Variants in PPP1R12B observed in about 807,000 individuals in gnomAD.
PPP1R12B encodes protein phosphatase 1 regulatory subunit 12B, also known as myosin phosphatase target subunit 2.
A neutral mutation model predicts 126.1 loss-of-function variants in PPP1R12B; 76 were observed. That is an observed-to-expected ratio of 0.60 (90% confidence interval 0.50 to 0.73). The LOEUF (loss-of-function observed/expected upper bound fraction) is 0.73, where lower values mean the gene tolerates loss of function less well. Ranked by LOEUF, PPP1R12B falls within the 30% of genes least tolerant of loss-of-function variation. The pLI is 0.00. For synonymous variants in PPP1R12B, 356 were observed against 434.7 expected, an observed-to-expected ratio of 0.82 and a Z score of 2.25; for missense variants, 1,052 against 1,205.1, an observed-to-expected ratio of 0.87 and a Z score of 1.88.
At chr1:202,502,366 T>C (rs1304538032) in intron 18 of PPP1R12B, 6 of 985,064 alleles carry the variant, frequency 6.1e-6, no homozygotes, top group Non-Finnish European at 7.2e-6. Flanking sequence ...AAGAACACAA[T>C]TGGAATTTGC....
chr1:202,575,485 G>A (rs1689012030), intron 23 of PPP1R12B: 1 of 181,732 alleles, frequency 5.5e-6, no homozygotes, highest in African/African-American at 2.3e-5. Context: ...CTGTGTACAT[G>A]CACATATACA....
chr1:202,389,196 G>A (rs1663663066), intron 1 of PPP1R12B, among the ~76,000 whole-genome samples: 1 of 152,164 alleles, frequency 6.6e-6, no homozygotes, highest in South Asian at 2.1e-4. Context: ...GAAGAGGTGG[G>A]AGGGAGAAGA....
At chr1:202,451,130 C>CT (rs141489711) in intron 13 of PPP1R12B, among the ~76,000 whole-genome samples, 70,435 of 144,282 alleles carry the variant, frequency 0.49, 17,278 homozygotes, top group East Asian at 0.7. Flanking sequence ...AATGGGTTTA[C>CT]TTTTTTTTTT....
rs546388253 is a variant in PPP1R12B, at chr1:202,355,255, C to T, written c.291+6113C>T. Among the ~76,000 whole-genome samples, 14 of 152,192 alleles carry T rather than the reference C, an allele frequency of 9.2e-5. No homozygotes were observed. The East Asian group carries it at 2.7e-3, about 29-fold the overall frequency. Reference sequence around the variant, plus strand: ...GAGGTTTTCTTAGATTCTTAATTAACAACTAATATTGAATGTCTAAATGGT... The same window carrying T: ...GAGGTTTTCTTAGATTCTTAATTAATAACTAATATTGAATGTCTAAATGGT... On this transcript the variant is annotated intron_variant, in intron 1 of 23. Transcript: ENST00000608999.
chr1:202,513,623 C>G (rs1413293351), intron 18 of PPP1R12B, among the ~76,000 whole-genome samples: 1 of 152,172 alleles, frequency 6.6e-6, no homozygotes, highest in African/African-American at 2.4e-5. Flanking sequence ...ATACATTTCC[C>G]AAGGTTAACT....
intron 1 of PPP1R12B, among the ~76,000 whole-genome samples, chr1:202,374,566 C>G (rs1182029644): frequency 7.2e-6 from 1 of 139,762 alleles, no homozygotes; most frequent in African/African-American, 2.7e-5. Flanking sequence ...GGCGCAATCT[C>G]GGCTCACTTG....
At chr1:202,476,927 T>C (rs1288144631) in intron 13 of PPP1R12B, among the ~76,000 whole-genome samples, 1 of 152,130 alleles carries the variant, frequency 6.6e-6, no homozygotes. Flanking sequence ...TTGGAAATTA[T>C]GATTATTTCT....
At chr1:202,358,874 A>AT (rs1349897356) in intron 1 of PPP1R12B, among the ~76,000 whole-genome samples, 1 of 152,188 alleles carries the variant, frequency 6.6e-6, no homozygotes, top group East Asian at 1.9e-4. Context: ...TCTAATGCAA[A>AT]TTTGGGGAAT....
chr1:202,547,527 A>G (rs1179168214), intron 18 of PPP1R12B, among the ~76,000 whole-genome samples: 2 of 152,230 alleles, frequency 1.3e-5, no homozygotes, highest in African/African-American at 4.8e-5. Context: ...TATGAAAGCA[A>G]CATTTTCATA....
intron 18 of PPP1R12B, among the ~76,000 whole-genome samples, chr1:202,537,974 G>C (rs1684722235): frequency 6.6e-6 from 1 of 152,056 alleles, no homozygotes; most frequent in Non-Finnish European, 1.5e-5. Context: ...CAAGATAATT[G>C]GCAAGTTGTT....
chr1:202,567,607 T>A (rs1350592625), intron 21 of PPP1R12B, 171 bp from the exon 22 acceptor site: 1 of 636,962 alleles, frequency 1.6e-6, no homozygotes, highest in Non-Finnish European at 2.7e-6. Flanking sequence ...GGTGATAATG[T>A]TAGGCTTAGA....
intron 1 of PPP1R12B, among the ~76,000 whole-genome samples, chr1:202,415,867 G>A (rs547787157): frequency 2.6e-5 from 4 of 152,220 alleles, no homozygotes; most frequent in Admixed American, 2.0e-4. Flanking sequence ...AGCAGTGTTT[G>A]TTTAGCAATT....
At chr1:202,540,219 C>A in intron 18 of PPP1R12B, 1 of 1,608,352 alleles carries the variant, frequency 6.2e-7, no homozygotes, top group Non-Finnish European at 8.5e-7. Flanking sequence ...GCATCTCCCT[C>A]CCCGACTGCC....
intron 12 of PPP1R12B, chr1:202,445,014 C>T: frequency 8.0e-7 from 1 of 1,246,364 alleles, no homozygotes; most frequent in Non-Finnish European, 1.0e-6. Flanking sequence ...AGCAGCATGT[C>T]CTGAAGAAAG....
rs758883691 is a variant in PPP1R12B, at chr1:202,495,370, C to A, written c.2223C>A (p.Pro741=). The A allele has an allele frequency of 3.7e-6, 6 of 1,609,684 alleles. No homozygotes were observed. The African/African-American group carries it at 8.0e-5, about 22-fold the overall frequency. The change falls in exon 16 of 24, where the codon CCC becomes CCA. Residue 741 remains proline (P), a synonymous_variant. Coordinates refer to ENST00000608999, the MANE Select transcript of PPP1R12B (RefSeq NM_002481.4). ...CAGCATCTCCTTCTACGTCAAGACC[C>A]TCACTCTACACCAGTTCCCACCTGC... The part of the protein sequence containing the change: ...TTPASPSTSR[P]SLYTSSHLLW...
At chr1:202,461,445 A>G (rs1476483495) in intron 13 of PPP1R12B, among the ~76,000 whole-genome samples, 1 of 152,204 alleles carries the variant, frequency 6.6e-6, no homozygotes, top group Non-Finnish European at 1.5e-5. Context: ...AAAACAATTT[A>G]GAGATATATA....
intron 11 of PPP1R12B, 37 bp from the exon 12 acceptor site, chr1:202,442,410 G>T: frequency 6.3e-7 from 1 of 1,590,468 alleles, no homozygotes; most frequent in Non-Finnish European, 8.6e-7. Flanking sequence ...ACTGGTGGTA[G>T]GAATCAGTGT....
intron 1 of PPP1R12B, among the ~76,000 whole-genome samples, chr1:202,353,199 C>T (rs963793006): frequency 6.6e-6 from 1 of 152,178 alleles, no homozygotes; most frequent in Non-Finnish European, 1.5e-5. Flanking sequence ...TGTGCTAACT[C>T]ATATGGTAAA....
chr1:202,372,931 T>C (rs1660544675), intron 1 of PPP1R12B, among the ~76,000 whole-genome samples: 1 of 152,078 alleles, frequency 6.6e-6, no homozygotes, highest in Non-Finnish European at 1.5e-5. Flanking sequence ...TTAATCCTGA[T>C]GATAATTTCT....
Sources: allele counts gnomAD v4.1 joint callset (sites outside exome capture counted in the v4.1 genomes callset), GRCh38; gene constraint gnomAD v4.1.1; transcripts MANE v1.5; gene names NCBI Gene and HGNC (gene_info 2026-07-23, HGNC 2026-07-21).